The following CDH23 variants were observed in gnomAD, a reference collection of about 807,000 sequenced individuals.
CDH23 encodes the protein cadherin-23.
In CDH23, 189 loss-of-function variants were observed where a neutral mutation model predicts 317.1. The observed-to-expected ratio is 0.60, with a 90% CI of 0.53 to 0.67. CDH23 has a LOEUF of 0.67. Among genes scored for constraint, CDH23 ranks in the 30% least tolerant of loss-of-function variants. The pLI is 0.00. For missense variants in CDH23, 4,401 were observed against 4,592.4 expected, an observed-to-expected ratio of 0.96 and a Z score of 1.20; for synonymous variants, 1,839 against 1,876.8, an observed-to-expected ratio of 0.98 and a Z score of 0.52.
intron 6 of CDH23, chr10:71,512,097 A>G (rs931992635): frequency 2.6e-5 from 4 of 152,220 alleles, no homozygotes; most frequent in Admixed American, 6.5e-5. Context: ...AAGCCCTGAG[A>G]GAATATCGCA....
chr10:71,655,091 T>C (rs1863361107), intron 14 of CDH23, among the ~76,000 whole-genome samples: 2 of 151,934 alleles, frequency 1.3e-5, no homozygotes, highest in Non-Finnish European at 2.9e-5. Context: ...TTCCCTCACC[T>C]CCTCCTGGAG....
chr10:71,777,355 C>T (rs1564788463), intron 38 of CDH23, among the ~76,000 whole-genome samples: 1 of 152,166 alleles, frequency 6.6e-6, no homozygotes. Flanking sequence ...CAGTCTTAAT[C>T]ACTAGACCAC....
intron 65 of CDH23, 71 bp downstream of exon 65, chr10:71,811,824 C>CT (rs2133003463): frequency 3.2e-6 from 5 of 1,568,124 alleles, no homozygotes; most frequent in African/African-American, 1.4e-5. Context: ...CCCACCGGAG[C>CT]CACAAGCCTG....
chr10:71,697,558 A>T lies in CDH23; in HGVS notation c.2397+2033A>T, dbSNP rs567095006. Among the ~76,000 whole-genome samples the T allele has an allele frequency of 4.6e-5, 7 of 152,202 alleles. No individual in the cohort carries two copies. In the South Asian group the frequency reaches 1.5e-3, roughly 32 times the overall value. ...TGTGGTGGTGCACACCTGTGGTCCC[A>T]GATACTCAGGAGGCTAAGGCAAGAT... On this transcript the variant is annotated intron_variant, in intron 22 of 69. Transcript: ENST00000224721.
chr10:71,695,826 G>A (rs569882541), intron 22 of CDH23, among the ~76,000 whole-genome samples: 79 of 152,256 alleles, frequency 5.2e-4, no homozygotes, highest in African/African-American at 1.9e-3. Flanking sequence ...AGCCACACGT[G>A]CCCTTAGAGC....
At position 71,702,009 on chromosome 10, in the gene CDH23, C is replaced by A. The variant is rs758498352; in HGVS notation, c.2398-13C>A. 2.5e-6 allele frequency: 4 copies of A among 1,613,274 alleles called. No individual in the cohort carries two copies. The South Asian group carries it at 4.4e-5, about 18-fold the overall frequency. On this transcript the variant is annotated splice_polypyrimidine_tract_variant and intron_variant, in intron 22 of 69. Transcript: ENST00000224721. ...GCGCGGCTCAGTGAAGGGGTCTGCTCCCTCCCGGGCAGGTGGTGGCTGTTG... is the reference window on the plus strand; with the variant it reads ...GCGCGGCTCAGTGAAGGGGTCTGCTACCTCCCGGGCAGGTGGTGGCTGTTG...
At chr10:71,509,974 T>C (rs953506021) in intron 3 of CDH23, 108 bp from the exon 4 acceptor site, 3 of 1,279,456 alleles carry the variant, frequency 2.3e-6, no homozygotes, top group Non-Finnish European at 3.4e-6. Flanking sequence ...TGCTGGAGGA[T>C]TGCTGAATGG....
At position 71,807,648 on chromosome 10, in the gene CDH23, C is replaced by T; in HGVS notation, c.8441C>T (p.Pro2814Leu). 6.2e-7 allele frequency: 1 copy of T among 1,613,972 alleles called. No homozygotes were observed. Among genetic ancestry groups the T allele is most frequent in the Non-Finnish European group, 8.5e-7 (1 of 1,179,874 alleles). ...TCCAGCAATCGCAGCTGGACACCTC[C>T]CCGTGGACCCTCCCCAACCCTCGAC... is the stretch of plus-strand genomic sequence containing the variant. ...KASSNRSWTPPRGPSPTLDLV... is the reference protein window; with the variant it reads ...KASSNRSWTPLRGPSPTLDLV... Residue 2814 changes from proline to leucine, a missense_variant, in exon 59 of 70, where the codon CCC becomes CTC. By Grantham distance (98) the Pro-to-Leu change is moderately conservative (BLOSUM62 -3). This residue lies in a region of CDH23 where 1,144 missense variants were observed against 1,138.2 expected (regional missense o/e 1.01). Transcript: ENST00000224721.
chr10:71,413,983 C>T (rs1336763500), intron 1 of CDH23, among the ~76,000 whole-genome samples: 1 of 150,952 alleles, frequency 6.6e-6, no homozygotes, highest in African/African-American at 2.4e-5. Flanking sequence ...TTTAGAAATA[C>T]AACTGATTTT....
At chr10:71,769,446 A>G (rs1467086342) in intron 38 of CDH23, among the ~76,000 whole-genome samples, 2 of 152,254 alleles carry the variant, frequency 1.3e-5, no homozygotes, top group Non-Finnish European at 2.9e-5. Context: ...GTTTCCTTTT[A>G]AAGATCTACA....
intron 24 of CDH23, among the ~76,000 whole-genome samples, chr10:71,704,375 A>G (rs567094917): frequency 7.9e-4 from 121 of 152,280 alleles, no homozygotes; most frequent in African/African-American, 2.8e-3. Flanking sequence ...TTGCCTGTGC[A>G]TGGCCACAAA....
At chr10:71,623,980 G>T (rs752014359) in intron 11 of CDH23, among the ~76,000 whole-genome samples, 2 of 152,170 alleles carry the variant, frequency 1.3e-5, no homozygotes, top group Non-Finnish European at 2.9e-5. Context: ...GGCAAGACTC[G>T]TCCTCCCGCT....
chr10:71,456,414 A>ACTAATGATAATGAT (rs1850699408), intron 3 of CDH23, among the ~76,000 whole-genome samples: 1 of 142,418 alleles, frequency 7.0e-6, no homozygotes, highest in African/African-American at 3.1e-5. Flanking sequence ...GTGATAGAAC[A>ACTAATGATAATGAT]GACTGTGTCT....
At chr10:71,704,032 T>C (rs538200531) in intron 24 of CDH23, among the ~76,000 whole-genome samples, 11 of 152,314 alleles carry the variant, frequency 7.2e-5, no homozygotes, top group Admixed American at 2.0e-4. Context: ...AGATTTCTGC[T>C]GGTTGTGGAG....
chr10:71,736,864 C>T (rs1769903264), intron 34 of CDH23, among the ~76,000 whole-genome samples: 1 of 152,110 alleles, frequency 6.6e-6, no homozygotes, highest in African/African-American at 2.4e-5. Flanking sequence ...GAGAGAAAGC[C>T]TATAATAAGG....
intron 56 of CDH23, 34 bp downstream of exon 56, chr10:71,806,031 T>C (rs1240937137): frequency 6.4e-6 from 3 of 468,394 alleles, no homozygotes; most frequent in Non-Finnish European, 1.1e-5. Context: ...GGGCGGGGTC[T>C]GGGGCGGGGC....
At chr10:71,687,212 G>A (rs780841567) in intron 18 of CDH23, among the ~76,000 whole-genome samples, 7 of 152,210 alleles carry the variant, frequency 4.6e-5, no homozygotes, top group Non-Finnish European at 8.8e-5. Context: ...TATCTTTGAG[G>A]AGAGTCCTAG....
intron 14 of CDH23, among the ~76,000 whole-genome samples, chr10:71,649,608 T>A (rs1298693088): frequency 6.6e-6 from 1 of 152,072 alleles, no homozygotes; most frequent in African/African-American, 2.4e-5. Context: ...TACAGCAAAA[T>A]GAGTTTCCAC....
At chr10:71,674,171 T>G (rs1327232021) in intron 14 of CDH23, among the ~76,000 whole-genome samples, 1 of 152,230 alleles carries the variant, frequency 6.6e-6, no homozygotes, top group African/African-American at 2.4e-5. Context: ...TTTTTTTCAT[T>G]TCATTCATTT....
Sources: gnomAD v4.1 joint callset for allele counts (sites outside exome capture counted in the v4.1 genomes callset) on GRCh38, gnomAD v4.1.1 for gene constraint, gnomAD v4.1.1 regional missense constraint, MANE v1.5 for transcripts, NCBI Gene and HGNC (gene_info 2026-07-23, HGNC 2026-07-21) for gene names.